The following IQGAP1 variants were observed in gnomAD, a reference collection of about 807,000 sequenced individuals.
IQGAP1 encodes IQ motif containing GTPase activating protein 1.
In IQGAP1, 66 loss-of-function variants were observed where a neutral mutation model predicts 215.6. The observed-to-expected ratio is 0.31, with a 90% CI of 0.25 to 0.38. The LOEUF (loss-of-function observed/expected upper bound fraction) is 0.38. Ranked by LOEUF, IQGAP1 falls within the 10% of genes least tolerant of loss-of-function variation. IQGAP1 has a pLI of 1.00. For missense variants in IQGAP1, 1,712 were observed against 1,997.1 expected (o/e 0.86, Z 2.72); for synonymous variants, 772 against 728.7 (o/e 1.06, Z -0.96).
At chr15:90,434,179 G>A (rs192930891) in intron 5 of IQGAP1, among the ~76,000 whole-genome samples, 209 of 152,286 alleles carry the variant, frequency 1.4e-3, no homozygotes, top group Non-Finnish European at 2.6e-3. Context: ...GCTCACGCCT[G>A]TAATCCCAGC....
chr15:90,455,332 A>T (rs1239233616), intron 14 of IQGAP1, among the ~76,000 whole-genome samples: 2 of 152,074 alleles, frequency 1.3e-5, no homozygotes, highest in Non-Finnish European at 2.9e-5. Flanking sequence ...GTGACTCTAT[A>T]CCTCAGTGGT....
intron 1 of IQGAP1, among the ~76,000 whole-genome samples, chr15:90,388,904 T>C (rs1350009020): frequency 6.6e-6 from 1 of 152,140 alleles, no homozygotes; most frequent in Non-Finnish European, 1.5e-5. Context: ...TTTCTCGGGC[T>C]TAGTTCCCTC....
intron 5 of IQGAP1, among the ~76,000 whole-genome samples, chr15:90,437,743 T>C (rs1965390015): frequency 1.3e-5 from 2 of 152,118 alleles, no homozygotes; most frequent in South Asian, 4.1e-4. Context: ...TCTTGCTATG[T>C]TGCTCAAGCT....
intron 2 of IQGAP1, among the ~76,000 whole-genome samples, chr15:90,423,115 G>A (rs958687044): frequency 6.6e-6 from 1 of 152,184 alleles, no homozygotes; most frequent in African/African-American, 2.4e-5. Flanking sequence ...AATCTCATGT[G>A]AGCTGTAGAG....
intron 2 of IQGAP1, among the ~76,000 whole-genome samples, chr15:90,406,780 T>G (rs1479354601): frequency 6.6e-6 from 1 of 152,096 alleles, no homozygotes; most frequent in Non-Finnish European, 1.5e-5. Flanking sequence ...AATCTAATAA[T>G]GAAATTCAAT....
chr15:90,388,405 G>C lies in IQGAP1; in HGVS notation c.55+9G>C, dbSNP rs1332973835. On this transcript the variant is annotated intron_variant, in intron 1 of 37. Transcript: ENST00000268182. ...CCGGCCGCACTATGGCTGTGAGTGC[G>C]GGGCTCCGCGGCGCGGGGGCTTCGG... 3 of 1,571,778 alleles carry C rather than the reference G, an allele frequency of 1.9e-6. No individual in the cohort carries two copies. Among genetic ancestry groups the C allele is most frequent in the Non-Finnish European group, 2.6e-6 (3 of 1,162,680 alleles).
intron 1 of IQGAP1, among the ~76,000 whole-genome samples, chr15:90,388,946 G>GA (rs951062473): frequency 7.4e-5 from 11 of 148,808 alleles, no homozygotes; most frequent in Admixed American, 1.3e-4. Flanking sequence ...TAGTAATAAA[G>GA]AAAAAAAAAA....
chr15:90,478,003 T>C (rs1376669675), intron 26 of IQGAP1, 114 bp downstream of exon 26: 2 of 735,194 alleles, frequency 2.7e-6, no homozygotes, highest in Non-Finnish European at 2.2e-6. Context: ...TTTTCTTTTC[T>C]TTTTTTAGAC....
intron 2 of IQGAP1, among the ~76,000 whole-genome samples, chr15:90,394,177 A>G (rs1964680234): frequency 7.6e-6 from 1 of 131,440 alleles, no homozygotes. Flanking sequence ...GACATTTGTG[A>G]TGATCTTCAG....
intron 4 of IQGAP1, among the ~76,000 whole-genome samples, chr15:90,431,562 C>T (rs1225288613): frequency 6.6e-6 from 1 of 152,000 alleles, no homozygotes; most frequent in African/African-American, 2.4e-5. Context: ...AATTTTGTTA[C>T]CTTTTTTGGT....
At chr15:90,437,827 C>T (rs1048554372) in intron 5 of IQGAP1, among the ~76,000 whole-genome samples, 2 of 152,206 alleles carry the variant, frequency 1.3e-5, no homozygotes, top group Non-Finnish European at 2.9e-5. Context: ...GTGTGAGCCA[C>T]TACACCCAGT....
chr15:90,495,950 T>A (rs1006346274), intron 36 of IQGAP1, among the ~76,000 whole-genome samples: 2 of 149,760 alleles, frequency 1.3e-5, no homozygotes, highest in Admixed American at 6.6e-5. Context: ...ATTATTATTA[T>A]TTATTATTAT....
At chr15:90,435,055 T>C (rs180698900) in intron 5 of IQGAP1, among the ~76,000 whole-genome samples, 59 of 152,292 alleles carry the variant, frequency 3.9e-4, no homozygotes, top group African/African-American at 1.4e-3. Context: ...AAGACTATTG[T>C]CTCCAGTTTC....
At chr15:90,490,245 G>A (rs1439763972) in intron 33 of IQGAP1, among the ~76,000 whole-genome samples, 1 of 152,224 alleles carries the variant, frequency 6.6e-6, no homozygotes, top group Admixed American at 6.5e-5. Context: ...AGAGTAAACA[G>A]AGAGAAATGG....
At position 90,494,842 on chromosome 15, in the gene IQGAP1, CTT is replaced by C. The variant is rs776258358; in HGVS notation, c.4751+9_4751+10del. 3.1e-6 allele frequency: 5 copies of C among 1,589,026 alleles called. No individual in the cohort carries two copies. The highest frequency in any genetic ancestry group is 1.2e-5 in the South Asian group (1 of 86,738). ...AGGACCTGCAAGTGAATCAGTGAGT[CTT>C]TGCTTTTTGTTTTATAAGTTGATTT... On this transcript the variant is annotated splice_region_variant and intron_variant, in intron 36 of 37. Transcript: ENST00000268182.
chr15:90,433,046 C>T (rs1965324033), intron 4 of IQGAP1, among the ~76,000 whole-genome samples: 2 of 152,162 alleles, frequency 1.3e-5, no homozygotes, highest in South Asian at 4.1e-4. Context: ...TCTAGCCCTG[C>T]CTTCGTGTGG....
chr15:90,451,394 G>A (rs899542002), intron 11 of IQGAP1, among the ~76,000 whole-genome samples: 1 of 152,178 alleles, frequency 6.6e-6, no homozygotes, highest in Admixed American at 6.5e-5. Flanking sequence ...GGGCAAGTGG[G>A]CTCATGTGAA....
intron 2 of IQGAP1, 143 bp from the exon 3 acceptor site, chr15:90,425,967 G>T: frequency 4.4e-6 from 3 of 683,986 alleles, no homozygotes; most frequent in Non-Finnish European, 6.6e-6. Context: ...GCAGGGAAAG[G>T]ATGTGTGTGG....
At chr15:90,488,238 A>T (rs1282586136) in intron 33 of IQGAP1, among the ~76,000 whole-genome samples, 1 of 146,688 alleles carries the variant, frequency 6.8e-6, no homozygotes, top group Non-Finnish European at 1.5e-5. Context: ...AATAATAAAT[A>T]AATAAATAAA....
Sources: gnomAD v4.1 joint callset for allele counts (sites outside exome capture counted in the v4.1 genomes callset) on GRCh38, gnomAD v4.1.1 for gene constraint, MANE v1.5 for transcripts, NCBI Gene and HGNC (gene_info 2026-07-23, HGNC 2026-07-21) for gene names.